DAAM1: variants seen among roughly 807,000 people sequenced by gnomAD.
DAAM1 encodes disheveled-associated activator of morphogenesis 1.
Under a neutral mutation model 130.0 loss-of-function variants are expected in DAAM1, and 52 were observed. That is an observed-to-expected ratio of 0.40 (90% confidence interval 0.32 to 0.50). DAAM1 has a LOEUF of 0.50. DAAM1 is among the 20% of genes least tolerant of loss of function. DAAM1 has a pLI of 0.61. For missense variants in DAAM1, 1,134 were observed against 1,303.8 expected (o/e 0.87, Z 2.01); for synonymous variants, 452 against 444.5 (o/e 1.02, Z -0.21).
chr14:59,336,023 GTT>G (rs796087070), intron 15 of DAAM1, among the ~76,000 whole-genome samples: 16 of 143,360 alleles, frequency 1.1e-4, no homozygotes, highest in Non-Finnish European at 1.1e-4. Context: ...TAGTGGTGTT[GTT>G]TTTTTTTTTT....
At chr14:59,223,918 A>G (rs1288081225) in intron 1 of DAAM1, among the ~76,000 whole-genome samples, 27 of 152,220 alleles carry the variant, frequency 1.8e-4, no homozygotes, top group Non-Finnish European at 2.9e-5. Flanking sequence ...AGTCTGGAGT[A>G]GTTGCTGCTT....
At chr14:59,342,592 CT>C (rs1885892490) in intron 16 of DAAM1, among the ~76,000 whole-genome samples, 1 of 152,214 alleles carries the variant, frequency 6.6e-6, no homozygotes, top group African/African-American at 2.4e-5. Context: ...TTAGTCACCA[CT>C]TTGGAGCATT....
At chr14:59,332,888 C>T (rs1885496408) in intron 15 of DAAM1, among the ~76,000 whole-genome samples, 1 of 152,026 alleles carries the variant, frequency 6.6e-6, no homozygotes, top group Non-Finnish European at 1.5e-5. Flanking sequence ...TCTTACGGGG[C>T]TTTCCTTGGG....
chr14:59,341,339 C>T (rs765198257), intron 16 of DAAM1, among the ~76,000 whole-genome samples: 8 of 152,154 alleles, frequency 5.3e-5, no homozygotes, highest in Non-Finnish European at 1.0e-4. Flanking sequence ...AAATATCTAT[C>T]TGCCTCAGGA....
intron 14 of DAAM1, 111 bp downstream of exon 14, chr14:59,331,619 G>C: frequency 6.6e-7 from 1 of 1,510,518 alleles, no homozygotes; most frequent in South Asian, 1.4e-5. Context: ...TTTCTAATGT[G>C]GACCAAGAGT....
intron 15 of DAAM1, among the ~76,000 whole-genome samples, chr14:59,339,570 T>C (rs1220621387): frequency 6.6e-6 from 1 of 152,190 alleles, no homozygotes; most frequent in Non-Finnish European, 1.5e-5. Context: ...AAAGTTACCA[T>C]CTGGCTTTGG....
intron 3 of DAAM1, among the ~76,000 whole-genome samples, chr14:59,292,973 T>G (rs1475657680): frequency 1.3e-5 from 2 of 152,210 alleles, no homozygotes; most frequent in Non-Finnish European, 2.9e-5. Context: ...TAAAATGGAA[T>G]AAAATGTGCT....
intron 16 of DAAM1, among the ~76,000 whole-genome samples, chr14:59,345,400 T>G (rs1229255505): frequency 6.6e-6 from 1 of 152,204 alleles, no homozygotes; most frequent in Non-Finnish European, 1.5e-5. Flanking sequence ...TTTGTCAGCT[T>G]AAACAATTTT....
At chr14:59,275,735 T>C (rs1197550991) in intron 2 of DAAM1, among the ~76,000 whole-genome samples, 2 of 152,198 alleles carry the variant, frequency 1.3e-5, no homozygotes, top group Non-Finnish European at 2.9e-5. Context: ...AAGGAAATAG[T>C]GTAAAAAACA....
chr14:59,300,553 A>G (rs1048658774), intron 3 of DAAM1, among the ~76,000 whole-genome samples: 4 of 152,226 alleles, frequency 2.6e-5, no homozygotes, highest in African/African-American at 7.2e-5. Context: ...TGTTTGATTA[A>G]TTTTTATTGT....
rs1261755495 is a variant in DAAM1, at chr14:59,326,962, G to A, written c.1343G>A (p.Trp448Ter). 1.9e-6 allele frequency: 3 copies of A among 1,613,822 alleles called. No homozygotes were observed. Among genetic ancestry groups the A allele is most frequent in the Non-Finnish European group, 2.5e-6 (3 of 1,179,958 alleles). Reference protein sequence around the residue: ...MLVNENEVKQWKEQAEKMRKE... With the variant: ...MLVNENEVKQ ...GTTAATGAAAATGAAGTTAAGCAGT[G>A]GAAAGAACAAGCGGAAAAAATGAGA... The change falls in exon 12 of 25, where the codon TGG (tryptophan) becomes TAG (stop). Residue 448 changes from tryptophan to a stop codon, truncating the protein, a stop_gained. Coordinates refer to ENST00000360909, the MANE Select transcript of DAAM1 (RefSeq NM_001270520.2). LOFTEE classifies it high-confidence loss of function.
At chr14:59,301,593 G>A (rs1163718798) in intron 3 of DAAM1, among the ~76,000 whole-genome samples, 1 of 152,076 alleles carries the variant, frequency 6.6e-6, no homozygotes, top group Non-Finnish European at 1.5e-5. Context: ...TCCCTGGTTG[G>A]TGACTAAAGT....
chr14:59,320,762 T>C (rs12147707), intron 5 of DAAM1, among the ~76,000 whole-genome samples, 178 bp downstream of exon 5: 33,563 of 151,628 alleles, frequency 0.22, 3,829 homozygotes, highest in East Asian at 0.33. Context: ...AGGCAGCCAC[T>C]AGGATGGCTA....
intron 2 of DAAM1, among the ~76,000 whole-genome samples, chr14:59,288,903 T>C (rs1594801950): frequency 1.4e-5 from 2 of 143,130 alleles, no homozygotes; most frequent in East Asian, 4.0e-4. Flanking sequence ...TTGTTTTTGT[T>C]TGTTTGTTTT....
chr14:59,319,502 C>A (rs1884920336), intron 4 of DAAM1, among the ~76,000 whole-genome samples: 1 of 152,080 alleles, frequency 6.6e-6, no homozygotes, highest in African/African-American at 2.4e-5. Context: ...TACAGTCACC[C>A]CAATCTGTTT....
chr14:59,294,041 C>T (rs1340841501), intron 3 of DAAM1, among the ~76,000 whole-genome samples: 1 of 152,204 alleles, frequency 6.6e-6, no homozygotes, highest in Non-Finnish European at 1.5e-5. Context: ...TCCCAGGGCT[C>T]TGTCACATTT....
chr14:59,335,179 A>G (rs923245433), intron 15 of DAAM1, among the ~76,000 whole-genome samples: 4 of 152,166 alleles, frequency 2.6e-5, no homozygotes, highest in African/African-American at 7.2e-5. Context: ...CAGACTTTGT[A>G]TAGGATTTTC....
In DAAM1 at chr14:59,368,833, A is replaced by C. The variant is rs779734493; in HGVS notation, c.3181A>C (p.Arg1061=). 8 of 1,613,466 alleles carry C rather than the reference A, an allele frequency of 5.0e-6. No individual in the cohort carries two copies. In the East Asian group the frequency reaches 1.8e-4, roughly 36 times the overall value. ...CCAGATGACTGACAGCAGCAGAGAG[A>C]GACCAATCACAAAACTTAATTTCTA... ...TNQMTDSSRE[R]PITKLNF Residue 1061 remains arginine (R), a synonymous_variant, in exon 25 of 25, where the codon AGA becomes CGA. Coordinates refer to ENST00000360909, the MANE Select transcript of DAAM1 (RefSeq NM_001270520.2).
chr14:59,345,141 G>T (rs890431389), intron 16 of DAAM1, among the ~76,000 whole-genome samples: 1 of 152,162 alleles, frequency 6.6e-6, no homozygotes, highest in Non-Finnish European at 1.5e-5. Context: ...AGGCTACCCA[G>T]TTGAGGCCCT....
Sources: allele counts gnomAD v4.1 joint callset (sites outside exome capture counted in the v4.1 genomes callset), GRCh38; gene constraint gnomAD v4.1.1; transcripts MANE v1.5; gene names NCBI Gene and HGNC (gene_info 2026-07-23, HGNC 2026-07-21).